Variants in TPD52L1 observed in about 807,000 individuals in gnomAD.
The protein encoded by TPD52L1 is TPD52 like 1.
A neutral mutation model predicts 28.7 loss-of-function variants in TPD52L1; 18 were observed. The observed-to-expected ratio is 0.63, with a 90% CI of 0.43 to 0.93. The LOEUF (loss-of-function observed/expected upper bound fraction) is 0.93. Among genes scored for constraint, TPD52L1 ranks in the 40% least tolerant of loss-of-function variants. The probability of loss-of-function intolerance (pLI) is 0.00; values close to 1 mark genes in which losing one functional copy is unlikely to be tolerated. For synonymous variants in TPD52L1, 75 were observed against 88.8 expected, an observed-to-expected ratio of 0.84 and a Z score of 0.88; for missense variants, 203 against 254.8, an observed-to-expected ratio of 0.80 and a Z score of 1.39.
intron 1 of TPD52L1, chr6:125,154,416 T>A: frequency 1.0e-6 from 1 of 989,586 alleles, no homozygotes; most frequent in African/African-American, 1.7e-5. Context: ...AGTGAGAGGA[T>A]CGCCCGCCGA....
At chr6:125,228,520 T>C (rs1795754459) in intron 2 of TPD52L1, among the ~76,000 whole-genome samples, 1 of 152,208 alleles carries the variant, frequency 6.6e-6, no homozygotes, top group South Asian at 2.1e-4. Context: ...CCTGCACCTA[T>C]GCAACTGTGT....
rs367950670 is a variant in TPD52L1 at position 125,248,409 on chromosome 6, C to A, written c.386+26C>A. ...GTACTGTGGGAAAATACCATGGGAA[C>A]GGCGCTAAGCCCTTGGCTTTCCGAT... On this transcript the variant is annotated intron_variant, in intron 4 of 6. Coordinates refer to ENST00000534000, the MANE Select transcript of TPD52L1 (RefSeq NM_003287.4). 69 of 1,576,198 alleles carry A rather than the reference C, an allele frequency of 4.4e-5. No homozygotes were observed. In the African/African-American group the frequency reaches 9.2e-4, roughly 21 times the overall value.
At position 125,172,145 on chromosome 6, in the gene TPD52L1, TTTCTTTCTTTC is replaced by T. The variant is rs1388648199; in HGVS notation, c.19+18178_19+18188del. ...CTTTCTTTCTTTCTTTCTTTCTTTC[TTTCTTTCTTTC>T]TTTTCTTTCTTTCTTTCTTTCTTTC... On this transcript the variant is annotated intron_variant, in intron 1 of 6. Coordinates refer to ENST00000534000, the MANE Select transcript of TPD52L1 (RefSeq NM_003287.4). 9.1e-4 allele frequency among the ~76,000 whole-genome samples: 72 copies of T among 79,016 alleles called. 2 individuals carry two copies. Among genetic ancestry groups the T allele is most frequent in the Non-Finnish European group, 1.4e-3 (61 of 43,556 alleles). 51.8% of individuals were successfully genotyped at this position (79,016 alleles called of 152,430 possible). A position where few individuals can be genotyped will look rare whatever the true frequency, so the allele number is the denominator to read the frequency against.
At chr6:125,231,524 A>G (rs981334317) in intron 3 of TPD52L1, among the ~76,000 whole-genome samples, 4 of 152,228 alleles carry the variant, frequency 2.6e-5, no homozygotes, top group Admixed American at 6.5e-5. Context: ...TACTTAATGT[A>G]AAGCATTTTG....
intron 1 of TPD52L1, among the ~76,000 whole-genome samples, chr6:125,173,642 C>T (rs1016668821): frequency 6.6e-6 from 1 of 152,136 alleles, no homozygotes; most frequent in Non-Finnish European, 1.5e-5. Flanking sequence ...ATAGGTGATG[C>T]TTTTTAAATA....
chr6:125,241,996 T>A (rs1015806249), intron 3 of TPD52L1, among the ~76,000 whole-genome samples: 1 of 152,082 alleles, frequency 6.6e-6, no homozygotes, highest in Non-Finnish European at 1.5e-5. Context: ...GCTTTTGTTG[T>A]ATCCCAGAGG....
At chr6:125,245,589 C>T (rs1432133073) in intron 3 of TPD52L1, among the ~76,000 whole-genome samples, 1 of 152,146 alleles carries the variant, frequency 6.6e-6, no homozygotes, top group Non-Finnish European at 1.5e-5. Flanking sequence ...CTTGCTGCAG[C>T]CACTGTGGGG....
intron 1 of TPD52L1, among the ~76,000 whole-genome samples, chr6:125,213,101 G>A (rs78688030): frequency 0.011 from 1,611 of 152,180 alleles, 29 homozygotes; most frequent in African/African-American, 0.037. Flanking sequence ...CTACAGCTTG[G>A]TATGTATATG....
At chr6:125,220,704 C>T (rs946177321) in intron 2 of TPD52L1, among the ~76,000 whole-genome samples, 1 of 152,140 alleles carries the variant, frequency 6.6e-6, no homozygotes, top group African/African-American at 2.4e-5. Flanking sequence ...GAGAGGAAAG[C>T]AATGCTTCAT....
chr6:125,162,474 A>G (rs1790587895), intron 1 of TPD52L1, among the ~76,000 whole-genome samples: 1 of 152,188 alleles, frequency 6.6e-6, no homozygotes, highest in South Asian at 2.1e-4. Context: ...TAAATAATAA[A>G]CAAATACTTC....
chr6:125,252,224 C>A, intron 4 of TPD52L1: 1 of 576,334 alleles, frequency 1.7e-6, no homozygotes, highest in Non-Finnish European at 3.0e-6. Flanking sequence ...TGAAGTACAT[C>A]TCTATCTCAT....
intron 1 of TPD52L1, among the ~76,000 whole-genome samples, chr6:125,210,152 C>A (rs920288698): frequency 5.9e-5 from 9 of 152,020 alleles, no homozygotes; most frequent in Admixed American, 4.6e-4. Flanking sequence ...CAGGCCAGGC[C>A]GAATTATAAA....
intron 1 of TPD52L1, among the ~76,000 whole-genome samples, chr6:125,211,028 T>C (rs962368080): frequency 1.3e-5 from 2 of 152,186 alleles, no homozygotes; most frequent in South Asian, 2.1e-4. Context: ...GAGCCAGGAC[T>C]CTTCCATGAG....
intron 1 of TPD52L1, among the ~76,000 whole-genome samples, chr6:125,179,671 A>C (rs947234918): frequency 6.6e-6 from 1 of 152,162 alleles, no homozygotes; most frequent in Non-Finnish European, 1.5e-5. Flanking sequence ...TTCAGGTGTA[A>C]GTTCTTTTTC....
Position 125,229,192 on chromosome 6 carries a change from A to G in TPD52L1, c.210A>G (p.Lys70=). 6.2e-6 allele frequency: 10 copies of G among 1,613,796 alleles called. No homozygotes were observed. The highest frequency in any genetic ancestry group is 5.5e-5 in the South Asian group (5 of 91,042). Residue 70 remains lysine, a synonymous_variant, in exon 3 of 7, where the codon AAA becomes AAG. Transcript: ENST00000534000. ...KERHLVEIKQ[K]LGMNLMNELK... is the part of the protein sequence containing the mutation. Reference sequence around the variant, plus strand: ...GGCATCTAGTTGAGATAAAACAAAAACTCGGCATGAACCTGATGAATGAAT... The same window carrying G: ...GGCATCTAGTTGAGATAAAACAAAAGCTCGGCATGAACCTGATGAATGAAT...
chr6:125,195,507 T>A (rs1336533590), intron 1 of TPD52L1, among the ~76,000 whole-genome samples: 1 of 152,210 alleles, frequency 6.6e-6, no homozygotes, highest in Non-Finnish European at 1.5e-5. Context: ...AGAAAGGTTT[T>A]ATATAAAATG....
At chr6:125,238,687 G>A (rs898887029) in intron 3 of TPD52L1, among the ~76,000 whole-genome samples, 1 of 152,074 alleles carries the variant, frequency 6.6e-6, no homozygotes, top group East Asian at 1.9e-4. Context: ...TCTCTTTTAT[G>A]GCTGAGTAGT....
intron 4 of TPD52L1, 62 bp downstream of exon 4, chr6:125,248,445 A>G (rs1292874274): frequency 2.5e-6 from 3 of 1,212,348 alleles, no homozygotes; most frequent in Non-Finnish European, 3.7e-6. Context: ...TGAAGGGAGC[A>G]CTAGCTATTA....
chr6:125,260,754 C>T (rs1347842452), intron 6 of TPD52L1, among the ~76,000 whole-genome samples: 2 of 150,262 alleles, frequency 1.3e-5, no homozygotes, highest in African/African-American at 2.5e-5. Flanking sequence ...TGGAGTAAGC[C>T]GAGATTGCAC....
Sources: allele counts gnomAD v4.1 joint callset (sites outside exome capture counted in the v4.1 genomes callset), GRCh38; gene constraint gnomAD v4.1.1; transcripts MANE v1.5; gene names NCBI Gene and HGNC (gene_info 2026-07-23, HGNC 2026-07-21).